The following FAF1 variants were observed in gnomAD, a reference collection of about 807,000 sequenced individuals.
FAF1 encodes the protein FAS-associated factor 1.
In FAF1, 25 loss-of-function variants were observed where a neutral mutation model predicts 92.5. The observed-to-expected ratio is 0.27, with a 90% confidence interval of 0.20 to 0.38. The LOEUF is 0.38. FAF1 is among the 10% of genes least tolerant of loss of function. FAF1 has a pLI of 1.00. For synonymous variants in FAF1, 234 were observed against 273.2 expected (o/e 0.86, Z 1.42); for missense variants, 636 against 793.3 (o/e 0.80, Z 2.38).
At chr1:50,784,433 G>T (rs918117841) in intron 4 of FAF1, among the ~76,000 whole-genome samples, 1 of 152,018 alleles carries the variant, frequency 6.6e-6, no homozygotes, top group African/African-American at 2.4e-5. Flanking sequence ...TAAGAAAACA[G>T]TCCCATTTAC....
chr1:50,448,553 G>C (rs774061712), intron 18 of FAF1, among the ~76,000 whole-genome samples: 4 of 152,166 alleles, frequency 2.6e-5, no homozygotes, highest in Non-Finnish European at 5.9e-5. Context: ...AGAAGGATCT[G>C]AGCTCAGCCC....
chr1:50,625,117 C>T (rs1459132369), intron 8 of FAF1, among the ~76,000 whole-genome samples: 1 of 152,006 alleles, frequency 6.6e-6, no homozygotes. Flanking sequence ...TCAGGCTGGT[C>T]TCGAACTCCT....
intron 4 of FAF1, among the ~76,000 whole-genome samples, chr1:50,752,705 G>T (rs1017984541): frequency 3.3e-5 from 5 of 151,758 alleles, no homozygotes; most frequent in African/African-American, 4.8e-5. Flanking sequence ...GTTTTTTTGA[G>T]ACAGTCTCAT....
chr1:50,881,470 A>G (rs1303442932), intron 1 of FAF1, among the ~76,000 whole-genome samples: 1 of 152,214 alleles, frequency 6.6e-6, no homozygotes, highest in Admixed American at 6.5e-5. Context: ...GATTATTTAC[A>G]TGACTGAATT....
At chr1:50,680,806 C>G (rs1241311258) in intron 7 of FAF1, among the ~76,000 whole-genome samples, 1 of 152,116 alleles carries the variant, frequency 6.6e-6, no homozygotes, top group African/African-American at 2.4e-5. Flanking sequence ...CAACTTCTGA[C>G]AAATGGTCAG....
chr1:50,867,543 A>G (rs994233208), intron 1 of FAF1, among the ~76,000 whole-genome samples: 5 of 152,190 alleles, frequency 3.3e-5, no homozygotes, highest in Non-Finnish European at 7.4e-5. Context: ...ACAATTCTCA[A>G]AAGAAGACAT....
At chr1:50,722,988 T>C (rs144090696) in intron 6 of FAF1, among the ~76,000 whole-genome samples, 2 of 152,304 alleles carry the variant, frequency 1.3e-5, no homozygotes, top group East Asian at 3.9e-4. Context: ...AGAGCTCTCA[T>C]GGATGTGACT....
At chr1:50,522,162 T>C (rs1300524426) in intron 15 of FAF1, among the ~76,000 whole-genome samples, 4 of 152,214 alleles carry the variant, frequency 2.6e-5, no homozygotes, top group Non-Finnish European at 5.9e-5. Flanking sequence ...AATATGGCAA[T>C]GTCTCATCTG....
intron 1 of FAF1, among the ~76,000 whole-genome samples, chr1:50,862,501 T>G (rs1318106550): frequency 6.6e-6 from 1 of 151,786 alleles, no homozygotes; most frequent in African/African-American, 2.4e-5. Context: ...AGGAATAAGA[T>G]CTCGTATTTG....
intron 5 of FAF1, among the ~76,000 whole-genome samples, chr1:50,741,456 A>G (rs891042865): frequency 2.0e-5 from 3 of 152,236 alleles, no homozygotes; most frequent in Admixed American, 6.5e-5. Flanking sequence ...GAAATGTAAT[A>G]AAAAAGCTAT....
At chr1:50,617,186 A>G (rs1311833628) in intron 8 of FAF1, among the ~76,000 whole-genome samples, 2 of 152,092 alleles carry the variant, frequency 1.3e-5, no homozygotes, top group East Asian at 3.9e-4. Flanking sequence ...GTTAAATAGG[A>G]GTGGTGAGAG....
chr1:50,731,048 T>G (rs1311200041), intron 6 of FAF1, among the ~76,000 whole-genome samples: 1 of 152,210 alleles, frequency 6.6e-6, no homozygotes. Flanking sequence ...CCAGAGATAC[T>G]GGAGAGAACA....
chr1:50,926,409 G>C (rs536403317), intron 1 of FAF1, among the ~76,000 whole-genome samples: 12 of 152,154 alleles, frequency 7.9e-5, no homozygotes, highest in Admixed American at 7.9e-4. Flanking sequence ...TACAACTGTA[G>C]ATATTGGAGA....
chr1:50,443,446 C>T (rs1199607551), intron 18 of FAF1, among the ~76,000 whole-genome samples: 2 of 152,306 alleles, frequency 1.3e-5, no homozygotes, highest in African/African-American at 4.8e-5. Context: ...TGCCAGACAA[C>T]ATATCCATAC....
intron 4 of FAF1, among the ~76,000 whole-genome samples, chr1:50,748,358 G>A (rs1446136827): frequency 2.6e-5 from 4 of 151,984 alleles, no homozygotes; most frequent in African/African-American, 7.2e-5. Flanking sequence ...TTAGCCAGGC[G>A]TGGTGGCACA....
chr1:50,873,982 G>A (rs1017231186), intron 1 of FAF1, among the ~76,000 whole-genome samples: 2 of 152,184 alleles, frequency 1.3e-5, no homozygotes, highest in Non-Finnish European at 2.9e-5. Flanking sequence ...ACATCCAGTT[G>A]AGAGGGCCAG....
chr1:50,881,226 T>C (rs1248127104), intron 1 of FAF1, among the ~76,000 whole-genome samples: 1 of 152,230 alleles, frequency 6.6e-6, no homozygotes, highest in African/African-American at 2.4e-5. Flanking sequence ...TTGGTTAGTT[T>C]TTGATGAGGC....
At chr1:50,648,410 T>A (rs1196720668) in intron 8 of FAF1, among the ~76,000 whole-genome samples, 1 of 152,130 alleles carries the variant, frequency 6.6e-6, no homozygotes, top group Non-Finnish European at 1.5e-5. Flanking sequence ...AGATAAGTAT[T>A]TAGCTAAAGC....
At chr1:50,468,673 C>G (rs536244558) in intron 18 of FAF1, among the ~76,000 whole-genome samples, 1 of 152,084 alleles carries the variant, frequency 6.6e-6, no homozygotes, top group Non-Finnish European at 1.5e-5. Context: ...CTTGGCCAGG[C>G]TGGTGTTGAA....
Sources: allele counts gnomAD v4.1 joint callset (sites outside exome capture counted in the v4.1 genomes callset), GRCh38; gene constraint gnomAD v4.1.1; transcripts MANE v1.5; gene names NCBI Gene and HGNC (gene_info 2026-07-23, HGNC 2026-07-21).